SETBP1: variants seen among roughly 807,000 people sequenced by gnomAD.
The protein encoded by SETBP1 is SET binding protein 1.
SETBP1 carries 9 observed loss-of-function variants against 101.0 expected under a neutral mutation model. That is an observed-to-expected ratio of 0.09 (90% CI 0.05 to 0.16). The LOEUF is 0.16. SETBP1 is among the 10% of genes least tolerant of loss of function. The pLI, the probability that SETBP1 is intolerant of heterozygous loss-of-function variation, is 1.00. For synonymous variants in SETBP1, 818 were observed against 788.5 expected, an observed-to-expected ratio of 1.04 and a Z score of -0.63; for missense variants, 1,858 against 2,033.8, an observed-to-expected ratio of 0.91 and a Z score of 1.66.
chr18:45,008,773 C>A (rs532628078), intron 4 of SETBP1, among the ~76,000 whole-genome samples: 4 of 152,224 alleles, frequency 2.6e-5, no homozygotes, highest in Non-Finnish European at 5.9e-5. Flanking sequence ...AAGAGCAGAC[C>A]CCAACTCCTG....
rs749187765 is a variant in SETBP1, at chr18:45,063,074, C to G, written c.4172-5C>G. The stretch of plus-strand genomic sequence containing the variant: ...CTCAATTTCTTATCTCTTCCCCTCC[C>G]GCAGTCGGCTCCTCCCTGAAGAAGA... On this transcript the variant is annotated splice_region_variant and splice_polypyrimidine_tract_variant and intron_variant, in intron 5 of 5. Transcript: ENST00000649279. The G allele has an allele frequency of 4.1e-5, 66 of 1,613,764 alleles. No homozygotes were observed. The highest frequency in any genetic ancestry group is 5.4e-5 in the Non-Finnish European group (64 of 1,180,024).
In SETBP1 at chr18:44,857,243, G is replaced by A. The variant is rs375937469; in HGVS notation, c.487-11987G>A. On this transcript the variant is annotated intron_variant, in intron 2 of 5. Transcript: ENST00000649279. ...GATAGGCTTTGCCAACTCCTGTTAC[G>A]TCAAGAGCCCTACCACTCCACCACT... Among the ~76,000 whole-genome samples the A allele has an allele frequency of 1.9e-4, 29 of 152,272 alleles. No individual in the cohort carries two copies. In the East Asian group the frequency reaches 2.7e-3, roughly 14 times the overall value.
At chr18:45,035,331 A>G (rs371604311) in intron 4 of SETBP1, among the ~76,000 whole-genome samples, 105 of 152,360 alleles carry the variant, frequency 6.9e-4, no homozygotes, top group Middle Eastern at 3.4e-3. Context: ...GGTGGTAACT[A>G]GAAAGCCGTA....
At chr18:44,822,241 GAA>G (rs1374997868) in intron 2 of SETBP1, among the ~76,000 whole-genome samples, 1 of 152,238 alleles carries the variant, frequency 6.6e-6, no homozygotes, top group Non-Finnish European at 1.5e-5. Context: ...ATTTTGAGAA[GAA>G]AGTTATTGAA....
intron 3 of SETBP1, among the ~76,000 whole-genome samples, chr18:44,927,187 C>T (rs1599331890): frequency 2.0e-5 from 3 of 152,154 alleles, no homozygotes; most frequent in African/African-American, 7.2e-5. Context: ...CACCATGTCT[C>T]GTCTATAGTG....
chr18:44,851,518 T>C (rs1173252791), intron 2 of SETBP1, among the ~76,000 whole-genome samples: 3 of 152,210 alleles, frequency 2.0e-5, no homozygotes, highest in Admixed American at 2.0e-4. Context: ...TATTGTTCTT[T>C]CTTCTCCCAG....
At chr18:44,803,105 G>T (rs763508560) in intron 2 of SETBP1, among the ~76,000 whole-genome samples, 7 of 152,090 alleles carry the variant, frequency 4.6e-5, no homozygotes, top group Admixed American at 2.6e-4. Context: ...ATAAGGTAAG[G>T]GCCAATATTT....
intron 3 of SETBP1, among the ~76,000 whole-genome samples, chr18:44,875,517 G>T (rs1398490408): frequency 4.0e-5 from 4 of 98,818 alleles, no homozygotes; most frequent in African/African-American, 1.2e-4. Context: ...AAGAGAGCAA[G>T]ACTCCATCTC....
At chr18:44,879,269 T>C (rs574175335) in intron 3 of SETBP1, among the ~76,000 whole-genome samples, 12 of 152,184 alleles carry the variant, frequency 7.9e-5, no homozygotes, top group Admixed American at 1.3e-4. Context: ...TTAAGAGCAA[T>C]GATTTTGGAA....
chr18:44,772,770 G>A (rs866709184), intron 2 of SETBP1, among the ~76,000 whole-genome samples: 17 of 152,028 alleles, frequency 1.1e-4, no homozygotes, highest in African/African-American at 3.9e-4. Flanking sequence ...AATGGGATTC[G>A]TGGGGAACAT....
chr18:44,886,778 A>ATTATTATTATTC (rs1474462660), intron 3 of SETBP1, among the ~76,000 whole-genome samples: 5 of 148,576 alleles, frequency 3.4e-5, no homozygotes, highest in Non-Finnish European at 3.0e-5. Context: ...TATTATTATT[A>ATTATTATTATTC]TTATTATTAT....
At chr18:44,823,610 G>A (rs1271354265) in intron 2 of SETBP1, among the ~76,000 whole-genome samples, 1 of 152,206 alleles carries the variant, frequency 6.6e-6, no homozygotes, top group East Asian at 1.9e-4. Flanking sequence ...CAGGACTTAT[G>A]CTCAGGTCAA....
At chr18:44,899,107 T>C (rs1402404652) in intron 3 of SETBP1, among the ~76,000 whole-genome samples, 1 of 152,190 alleles carries the variant, frequency 6.6e-6, no homozygotes, top group Non-Finnish European at 1.5e-5. Flanking sequence ...TTATTGCTCG[T>C]TTTTTGTTCC....
intron 4 of SETBP1, among the ~76,000 whole-genome samples, chr18:44,969,513 T>C (rs11082416): frequency 0.31 from 46,380 of 151,982 alleles, 8,320 homozygotes; most frequent in East Asian, 0.55. Flanking sequence ...CATTTAGAGA[T>C]ATTCTTATGC....
At chr18:44,725,316 T>A (rs1433500550) in intron 2 of SETBP1, among the ~76,000 whole-genome samples, 2 of 152,190 alleles carry the variant, frequency 1.3e-5, no homozygotes. Context: ...ATAAAGTGAT[T>A]CCTGCACTAA....
At chr18:44,694,450 G>A (rs1408633110) in intron 1 of SETBP1, among the ~76,000 whole-genome samples, 3 of 152,312 alleles carry the variant, frequency 2.0e-5, no homozygotes, top group South Asian at 2.1e-4. Flanking sequence ...GACCTCAGGT[G>A]ATCTGCCCAC....
chr18:44,710,251 C>G (rs926996639), intron 2 of SETBP1, among the ~76,000 whole-genome samples: 12 of 152,250 alleles, frequency 7.9e-5, no homozygotes, highest in African/African-American at 2.6e-4. Flanking sequence ...TGCAGCACAT[C>G]CCAGGACATC....
intron 1 of SETBP1, among the ~76,000 whole-genome samples, chr18:44,682,706 T>G (rs1670331385): frequency 6.6e-6 from 1 of 152,106 alleles, no homozygotes; most frequent in Admixed American, 6.5e-5. Flanking sequence ...AAACAGAGTA[T>G]TTGCAAACGG....
intron 5 of SETBP1, 21 bp downstream of exon 5, chr18:45,038,676 T>C: frequency 6.2e-7 from 1 of 1,613,256 alleles, no homozygotes; most frequent in East Asian, 2.2e-5. Context: ...TTCAGATGCT[T>C]TGGGTTCACC....
Sources: allele counts gnomAD v4.1 joint callset (sites outside exome capture counted in the v4.1 genomes callset), GRCh38; gene constraint gnomAD v4.1.1; transcripts MANE v1.5; gene names NCBI Gene and HGNC (gene_info 2026-07-23, HGNC 2026-07-21).